BSN: variants seen among roughly 807,000 people sequenced by gnomAD.
The protein encoded by BSN is bassoon presynaptic cytomatrix protein.
A neutral mutation model predicts 264.8 loss-of-function variants in BSN; 57 were observed. That is an observed-to-expected ratio of 0.22 (90% CI 0.17 to 0.27). The LOEUF is 0.27. BSN is among the 10% of genes least tolerant of loss of function. BSN has a pLI of 1.00. For synonymous variants in BSN, 2,059 were observed against 2,137.3 expected (o/e 0.96, Z 1.01); for missense variants, 4,615 against 5,232.5 (o/e 0.88, Z 3.64).
At position 49,605,461 on chromosome 3, in the gene BSN, TTA is replaced by T. The variant is rs1491488371; in HGVS notation, c.225-19507_225-19506del. Among the ~76,000 whole-genome samples the T allele has an allele frequency of 5.8e-3, 86 of 14,786 alleles. 3 individuals carry two copies. The highest frequency in any genetic ancestry group is 0.024 in the African/African-American group (77 of 3,166). The allele number at this position is 14,786 out of a possible 152,430, so 9.7% of individuals were successfully genotyped here. On this transcript the variant is annotated intron_variant, in intron 1 of 11. Coordinates refer to ENST00000296452, the MANE Select transcript of BSN (RefSeq NM_003458.4). ...TATTATATATATTATATAATATATA[TTA>T]TATATAATATATATTATATAATATA...
chr3:49,574,630 C>CTTTTTTTTTTTTTTTTTTTTTTT, intron 1 of BSN, among the ~76,000 whole-genome samples: 1 of 51,920 alleles, frequency 1.9e-5, no homozygotes, highest in Non-Finnish European at 3.5e-5. Context: ...GGTGGGGTTT[C>CTTTTTTTTTTTTTTTTTTTTTTT]TTTTTTTTTT....
At chr3:49,592,133 A>T (rs898700832) in intron 1 of BSN, among the ~76,000 whole-genome samples, 1 of 151,310 alleles carries the variant, frequency 6.6e-6, no homozygotes, top group Non-Finnish European at 1.5e-5. Flanking sequence ...TTTTTTTGAG[A>T]TGGAGTCTCA....
chr3:49,642,261 T>C lies in BSN; in HGVS notation c.634-7T>C. On this transcript the variant is annotated splice_polypyrimidine_tract_variant and splice_region_variant and intron_variant, in intron 2 of 11. Coordinates refer to ENST00000296452, the MANE Select transcript of BSN (RefSeq NM_003458.4). This position sits in a 1 kb window ranked among gnomAD's most constrained non-coding sequence, Gnocchi z 7.0. ...CACCCTGCTGACTATTTTGCTTTTC[T>C]CCTCAGGTGAAGGAGTGGCTCTGTC... The C allele has an allele frequency of 6.6e-7, 1 of 1,514,754 alleles. No homozygotes were observed. The highest frequency in any genetic ancestry group is 8.8e-7 in the Non-Finnish European group (1 of 1,131,578). The allele number at this position is 1,514,754 out of a possible 1,614,324, so 93.8% of individuals were successfully genotyped here. A position where few individuals can be genotyped will look rare whatever the true frequency, so the allele number is the denominator to read the frequency against.
Position 49,638,235 on chromosome 3 carries a change from G to T in BSN, c.634-4033G>T, listed in dbSNP as rs2052434267. ...GGAGGCATCACTGTGTGCAGCTAAG[G>T]AAGGCTCTAACTGTACTGGCACTCA... is the stretch of plus-strand genomic sequence containing the variant. On this transcript the variant is annotated intron_variant, in intron 2 of 11. Transcript: ENST00000296452. The surrounding 1 kb of genome is among the most constrained non-coding windows in gnomAD (Gnocchi z 4.3). Among the ~76,000 whole-genome samples the T allele has an allele frequency of 6.9e-6, 1 of 144,740 alleles. No homozygotes were observed. Among genetic ancestry groups the T allele is most frequent in the Admixed American group, 7.3e-5 (1 of 13,698 alleles). 95.0% of individuals were successfully genotyped at this position (144,740 alleles called of 152,430 possible). A position where few individuals can be genotyped will look rare whatever the true frequency, so the allele number is the denominator to read the frequency against.
chr3:49,593,736 TCTG>T (rs1012975119), intron 1 of BSN, among the ~76,000 whole-genome samples: 1 of 151,782 alleles, frequency 6.6e-6, no homozygotes, highest in Non-Finnish European at 1.5e-5. Flanking sequence ...ATTTTTTTCT[TCTG>T]TTGAGTTTTG....
At chr3:49,560,296 G>A (rs2107997807) in intron 1 of BSN, among the ~76,000 whole-genome samples, 1 of 152,344 alleles carries the variant, frequency 6.6e-6, no homozygotes, top group South Asian at 2.1e-4. Flanking sequence ...GCTGGAGCCT[G>A]TGGGCCATGT....
At chr3:49,599,451 G>T (rs1683635104) in intron 1 of BSN, among the ~76,000 whole-genome samples, 1 of 152,148 alleles carries the variant, frequency 6.6e-6, no homozygotes. Context: ...TCTTAAACTG[G>T]AAACTGGGAA....
intron 1 of BSN, among the ~76,000 whole-genome samples, chr3:49,575,264 G>A (rs1047646812): frequency 1.3e-5 from 2 of 151,808 alleles, no homozygotes; most frequent in African/African-American, 4.8e-5. Flanking sequence ...TGAGGCAGGA[G>A]AATCACTTGA....
At chr3:49,598,840 TAAG>T (rs2108030772) in intron 1 of BSN, among the ~76,000 whole-genome samples, 1 of 152,198 alleles carries the variant, frequency 6.6e-6, no homozygotes, top group East Asian at 1.9e-4. Flanking sequence ...GCAAATAAAA[TAAG>T]AAAAAGAAAT....
At chr3:49,613,303 CGAGAG>C (rs2052223751) in intron 1 of BSN, among the ~76,000 whole-genome samples, 1 of 47,332 alleles carries the variant, frequency 2.1e-5, no homozygotes, top group Non-Finnish European at 4.0e-5. Context: ...ACACACAGAG[CGAGAG>C]AGAGAGAGAG....
intron 11 of BSN, among the ~76,000 whole-genome samples, chr3:49,667,340 C>T (rs2052719951): frequency 6.7e-6 from 1 of 148,532 alleles, no homozygotes; most frequent in Admixed American, 6.7e-5. Context: ...ACTTTTGTTA[C>T]ATTAAAAGAA....
At position 49,655,089 on chromosome 3, in the gene BSN, A is replaced by C. The variant is rs150235346; in HGVS notation, c.5533A>C (p.Thr1845Pro). 5 of 1,612,850 alleles carry C rather than the reference A, an allele frequency of 3.1e-6. No individual in the cohort carries two copies. Among genetic ancestry groups the C allele is most frequent in the Non-Finnish European group, 4.2e-6 (5 of 1,179,978 alleles). ...PEPGAEPHRA[T>P]PAELRSHALP... ...GCCAGGTGCCGAGCCCCACCGGGCC[A>C]CCCCTGCAGAGCTGCGGTCACATGC... The change falls in exon 5 of 12, where the codon ACC (threonine) becomes CCC (proline). Residue 1845 changes from threonine (T) to proline (P), a missense_variant. By Grantham distance (38) the Thr-to-Pro change is conservative. Around this residue, in one of 3 missense-constraint regions of BSN, gnomAD observed 3,415 missense variants for 3,866.4 expected, o/e 0.88. Transcript: ENST00000296452.
At position 49,556,689 on chromosome 3, in the gene BSN, A is replaced by C. The variant is rs572458292; in HGVS notation, c.224+1863A>C. 8.6e-4 allele frequency among the ~76,000 whole-genome samples: 131 copies of C among 152,334 alleles called. 4 individuals are homozygous for C. In the South Asian group the frequency reaches 0.026, roughly 31 times the overall value. ...AGCACCTCAGCTGAGCAGCAGCTCC[A>C]TGGCTTATCTCTCCTTTAGTATTGC... On this transcript the variant is annotated intron_variant, in intron 1 of 11. Coordinates refer to ENST00000296452, the MANE Select transcript of BSN (RefSeq NM_003458.4).
intron 2 of BSN, among the ~76,000 whole-genome samples, chr3:49,629,929 A>G (rs924365335): frequency 1.3e-5 from 2 of 152,090 alleles, no homozygotes; most frequent in African/African-American, 4.8e-5. Context: ...TTTAACCCAT[A>G]CCATCCCCAA....
intron 1 of BSN, among the ~76,000 whole-genome samples, chr3:49,586,343 T>TCTATCTAC (rs1365730818): frequency 4.6e-5 from 7 of 152,002 alleles, no homozygotes; most frequent in African/African-American, 1.7e-4. Context: ...TATCTATCTA[T>TCTATCTAC]CTATCTATCT....
In BSN at chr3:49,651,164, G is replaced by A. The variant is rs1489831372; in HGVS notation, c.1986+85G>A. 7 of 1,346,294 alleles carry A rather than the reference G, an allele frequency of 5.2e-6. No homozygotes were observed. Among genetic ancestry groups the A allele is most frequent in the African/African-American group, 4.4e-5 (3 of 67,590 alleles). The allele number at this position is 1,346,294 out of a possible 1,614,324, so 83.4% of individuals were successfully genotyped here. A position where few individuals can be genotyped will look rare whatever the true frequency, so the allele number is the denominator to read the frequency against. On this transcript the variant is annotated intron_variant, in intron 4 of 11. Transcript: ENST00000296452. The surrounding 1 kb of genome is among the most constrained non-coding windows in gnomAD (Gnocchi z 5.4). The stretch of plus-strand genomic sequence containing the variant: ...CTTGCCTCCCTGGGTGGCTGAGGCT[G>A]TAGGCTCAGGACAGGTGCCTTGGGG...
rs140228596 is a variant in BSN, at chr3:49,660,642, G to A, written c.8797G>A (p.Val2933Ile). Reference sequence around the variant, plus strand: ...GCGAGGGCTGACGGGGCCCACCACTGTCCCTGCTACCAAGGCCAGCCTGCT... The same window carrying A: ...GCGAGGGCTGACGGGGCCCACCACTATCCCTGCTACCAAGGCCAGCCTGCT... Reference protein sequence around the residue: ...LQRGLTGPTTVPATKASLLRE... With the variant: ...LQRGLTGPTTIPATKASLLRE... The change falls in exon 6 of 12, where the codon GTC becomes ATC. Residue 2933 changes from valine (V) to isoleucine (I), a missense_variant. Val to Ile is a conservative substitution (Grantham distance 29). Around this residue, in one of 3 missense-constraint regions of BSN, gnomAD observed 3,415 missense variants for 3,866.4 expected, o/e 0.88. Transcript: ENST00000296452. The surrounding 1 kb of genome is among the most constrained non-coding windows in gnomAD (Gnocchi z 7.1). 1,555 of 1,613,148 alleles carry A rather than the reference G, an allele frequency of 9.6e-4. 16 individuals are homozygous for A. The highest frequency in any genetic ancestry group is 6.8e-3 in the South Asian group (615 of 91,068).
intron 1 of BSN, among the ~76,000 whole-genome samples, chr3:49,597,422 A>T (rs1463859547): frequency 6.6e-6 from 1 of 151,952 alleles, no homozygotes; most frequent in African/African-American, 2.4e-5. Flanking sequence ...GGCTCAAGCA[A>T]TTCTCCTTCA....
intron 1 of BSN, among the ~76,000 whole-genome samples, chr3:49,609,283 T>G (rs888497766): frequency 6.0e-5 from 9 of 151,180 alleles, no homozygotes; most frequent in African/African-American, 1.7e-4. Flanking sequence ...TTTTTTTTTT[T>G]GTAGAGATGG....
Sources: allele counts gnomAD v4.1 joint callset (sites outside exome capture counted in the v4.1 genomes callset), GRCh38; gene constraint gnomAD v4.1.1; regional missense constraint gnomAD v4.1.1; non-coding constraint Gnocchi (gnomAD v3.1); transcripts MANE v1.5; gene names NCBI Gene and HGNC (gene_info 2026-07-23, HGNC 2026-07-21).